RAI14: variants seen among roughly 807,000 people sequenced by gnomAD.
RAI14 encodes retinoic acid induced 14.
RAI14 carries 45 observed loss-of-function variants against 115.4 expected under a neutral mutation model. The ratio of observed to expected loss-of-function variants is 0.39; its 90% CI spans 0.31 to 0.50. The LOEUF is 0.50. Ranked by LOEUF, RAI14 falls within the 20% of genes least tolerant of loss-of-function variation. RAI14 has a pLI of 0.85. For missense variants in RAI14, 939 were observed against 1,131.2 expected, an observed-to-expected ratio of 0.83 and a Z score of 2.44; for synonymous variants, 371 against 415.4, an observed-to-expected ratio of 0.89 and a Z score of 1.30.
At chr5:34,810,943 A>G (rs1755511857) in intron 7 of RAI14, 69 bp from the exon 8 acceptor site, 1 of 1,604,134 alleles carries the variant, frequency 6.2e-7, no homozygotes, top group Non-Finnish European at 8.5e-7. Context: ...TGCAAAAAAC[A>G]GGGGCTGACT....
intron 2 of RAI14, among the ~76,000 whole-genome samples, chr5:34,701,191 A>G (rs1388286287): frequency 6.6e-6 from 1 of 152,162 alleles, no homozygotes; most frequent in Non-Finnish European, 1.5e-5. Flanking sequence ...ATTTAACCCT[A>G]TATATCATGA....
At chr5:34,713,494 A>T (rs943687294) in intron 2 of RAI14, among the ~76,000 whole-genome samples, 3 of 152,196 alleles carry the variant, frequency 2.0e-5, no homozygotes, top group Non-Finnish European at 4.4e-5. Context: ...TATTAGAAAA[A>T]AAAACAAACC....
At chr5:34,660,869 C>T (rs1742639683) in intron 1 of RAI14, among the ~76,000 whole-genome samples, 1 of 151,716 alleles carries the variant, frequency 6.6e-6, no homozygotes, top group Admixed American at 6.6e-5. Context: ...CACCAGGCGT[C>T]TTGCCTCAGA....
chr5:34,664,690 T>G (rs1481464249), intron 1 of RAI14, among the ~76,000 whole-genome samples: 3 of 151,924 alleles, frequency 2.0e-5, no homozygotes, highest in Admixed American at 2.0e-4. Flanking sequence ...AGTTCTTTAG[T>G]GGTGATTTGT....
chr5:34,776,975 C>G (rs550526012), intron 3 of RAI14, among the ~76,000 whole-genome samples: 27 of 152,154 alleles, frequency 1.8e-4, no homozygotes, highest in African/African-American at 6.5e-4. Context: ...TCGAGACCAG[C>G]CTGGCCAACA....
At chr5:34,660,498 C>T (rs777378271) in intron 1 of RAI14, among the ~76,000 whole-genome samples, 3 of 152,124 alleles carry the variant, frequency 2.0e-5, no homozygotes, top group Non-Finnish European at 4.4e-5. Context: ...GAGACAAATC[C>T]ATGGTGCTGT....
intron 3 of RAI14, among the ~76,000 whole-genome samples, chr5:34,775,216 G>C (rs1393523503): frequency 6.6e-6 from 1 of 152,120 alleles, no homozygotes; most frequent in Admixed American, 6.6e-5. Context: ...AAGATTTCTT[G>C]AGTAATACCT....
At chr5:34,659,119 T>G (rs1742502263) in intron 1 of RAI14, 1 of 152,234 alleles carries the variant, frequency 6.6e-6, no homozygotes, top group Non-Finnish European at 1.5e-5. Context: ...ATTCTACCTA[T>G]GTATAGCTTG....
intron 1 of RAI14, among the ~76,000 whole-genome samples, chr5:34,679,023 A>G (rs981474003): frequency 1.3e-5 from 2 of 152,188 alleles, no homozygotes; most frequent in African/African-American, 4.8e-5. Context: ...CTTCATTTCC[A>G]TCCTTGAAGC....
chr5:34,819,487 A>G (rs1226869934), intron 13 of RAI14, among the ~76,000 whole-genome samples: 1 of 152,196 alleles, frequency 6.6e-6, no homozygotes, highest in Non-Finnish European at 1.5e-5. Context: ...TTGGATTTCA[A>G]GTAGACACAC....
At chr5:34,829,164 CACACACACACACAT>C (rs1205163450) in intron 16 of RAI14, among the ~76,000 whole-genome samples, 7 of 119,646 alleles carry the variant, frequency 5.9e-5, no homozygotes, top group African/African-American at 1.9e-4. Flanking sequence ...GACACACATA[CACACACACACACAT>C]ACACACACAC....
Position 34,792,320 on chromosome 5 carries a change from G to A in RAI14, c.168-3619G>A, listed in dbSNP as rs538531988. On this transcript the variant is annotated intron_variant, in intron 3 of 17. Transcript: ENST00000265109. Reference sequence around the variant, plus strand: ...GCAATCTTGGCTCACTGCAAGCTCCGCCTCCCTGGTTCACACCATTCTCCT... The same window carrying A: ...GCAATCTTGGCTCACTGCAAGCTCCACCTCCCTGGTTCACACCATTCTCCT... Among the ~76,000 whole-genome samples the A allele has an allele frequency of 1.5e-4, 21 of 141,094 alleles. No homozygotes were observed. In the East Asian group the frequency reaches 4.0e-3, roughly 27 times the overall value. 92.6% of individuals were successfully genotyped at this position (141,094 alleles called of 152,430 possible). A position where few individuals can be genotyped will look rare whatever the true frequency, so the allele number is the denominator to read the frequency against.
At chr5:34,759,984 G>A (rs751165811) in intron 3 of RAI14, among the ~76,000 whole-genome samples, 9 of 152,146 alleles carry the variant, frequency 5.9e-5, no homozygotes, top group East Asian at 1.9e-4. Flanking sequence ...CAGCTTCTGC[G>A]TTCGAATCAC....
intron 12 of RAI14, among the ~76,000 whole-genome samples, chr5:34,815,172 A>T (rs1292978531): frequency 6.6e-6 from 1 of 151,938 alleles, no homozygotes; most frequent in Non-Finnish European, 1.5e-5. Context: ...CACGAGGTCA[A>T]GAGATCGAGA....
intron 4 of RAI14, among the ~76,000 whole-genome samples, chr5:34,799,634 C>T (rs960442417): frequency 1.4e-5 from 2 of 147,588 alleles, no homozygotes; most frequent in African/African-American, 5.0e-5. Context: ...TAATTTCCTA[C>T]TTTTTAAACT....
At chr5:34,751,015 C>A (rs372031045) in intron 2 of RAI14, among the ~76,000 whole-genome samples, 3 of 151,622 alleles carry the variant, frequency 2.0e-5, no homozygotes, top group African/African-American at 7.3e-5. Context: ...CCATGCCTGG[C>A]TCATTTTGGA....
rs773493482 is a variant in RAI14, at chr5:34,829,791, T to C, written c.2859T>C (p.Ala953=). The change falls in exon 17 of 18, where the codon GCT becomes GCC. Residue 953 remains alanine (A), a synonymous_variant. Coordinates refer to ENST00000265109, the MANE Select transcript of RAI14 (RefSeq NM_015577.3). ...TTTACAGAATGCATCTTCTGTATGC[T>C]GTGCAGGTATGGTTATGCCCCTTGA... ...ISVYRMHLLY[A]VQGQMDEDVQ... 6.2e-7 allele frequency: 1 copy of C among 1,610,102 alleles called. No individual in the cohort carries two copies. Among genetic ancestry groups the C allele is most frequent in the East Asian group, 2.2e-5 (1 of 44,752 alleles).
intron 3 of RAI14, among the ~76,000 whole-genome samples, chr5:34,770,062 C>T (rs558730587): frequency 2.0e-5 from 3 of 152,064 alleles, no homozygotes; most frequent in Admixed American, 6.6e-5. Context: ...TGCCAGTGGT[C>T]CTAAAAATCG....
chr5:34,668,263 G>A lies in RAI14; in HGVS notation c.-49+11788G>A, dbSNP rs903214416. Among the ~76,000 whole-genome samples, 9 of 152,200 alleles carry A rather than the reference G, an allele frequency of 5.9e-5. 1 individual carries two copies. In the East Asian group the frequency reaches 9.7e-4, roughly 16 times the overall value. ...ACAAAAATTAGCTGGGCATGATGGC[G>A]CACGCCTGTGATCCCAGATTCTCGA... On this transcript the variant is annotated intron_variant, in intron 1 of 17. Coordinates refer to ENST00000265109, the MANE Select transcript of RAI14 (RefSeq NM_015577.3).
Sources: allele counts gnomAD v4.1 joint callset (sites outside exome capture counted in the v4.1 genomes callset), GRCh38; gene constraint gnomAD v4.1.1; transcripts MANE v1.5; gene names NCBI Gene and HGNC (gene_info 2026-07-23, HGNC 2026-07-21).